KLF8: variants seen among roughly 807,000 people sequenced by gnomAD.
The protein encoded by KLF8 is KLF transcription factor 8, also known as Krueppel-like factor 8.
A neutral mutation model predicts 18.2 loss-of-function variants in KLF8; 10 were observed. The ratio of observed to expected loss-of-function variants is 0.55; its 90% CI spans 0.34 to 0.93. The LOEUF is 0.93. Ranked by LOEUF, KLF8 falls within the 40% of genes least tolerant of loss-of-function variation. The pLI is 0.02. For synonymous variants in KLF8, 109 were observed against 97.3 expected, an observed-to-expected ratio of 1.12 and a Z score of -0.71; for missense variants, 264 against 277.9, an observed-to-expected ratio of 0.95 and a Z score of 0.36.
At chrX:55,974,882 C>T in the KLF8 span, among the ~76,000 whole-genome samples, 1 of 112,198 alleles carries the variant, frequency 8.9e-6, no homozygotes, top group African/African-American at 3.2e-5. Context: ...AATCCATGAA[C>T]ATAGAATATC....
chrX:56,100,838 AT>A, the KLF8 span, among the ~76,000 whole-genome samples: 1 of 112,374 alleles, frequency 8.9e-6, no homozygotes, highest in African/African-American at 3.2e-5. Flanking sequence ...AAGTACTTTC[AT>A]TTTTTAAGCA....
chrX:55,953,797 C>A, the KLF8 span, among the ~76,000 whole-genome samples: 18 of 110,420 alleles, frequency 1.6e-4, no homozygotes, highest in Non-Finnish European at 3.2e-4. Flanking sequence ...TTACTTCATA[C>A]CATACATATA....
At chrX:55,974,537 C>T in the KLF8 span, among the ~76,000 whole-genome samples, 1 of 111,788 alleles carries the variant, frequency 8.9e-6, no homozygotes, top group Non-Finnish European at 1.9e-5. Context: ...AGATTGAATA[C>T]ACTGTGTTTG....
chrX:55,922,418 G>T, the KLF8 span, among the ~76,000 whole-genome samples: 1 of 112,368 alleles, frequency 8.9e-6, no homozygotes, highest in Admixed American at 9.4e-5. Context: ...CAATGAAAAT[G>T]CATGGATACA....
the KLF8 span, among the ~76,000 whole-genome samples, chrX:56,013,924 C>T: frequency 5.8e-4 from 65 of 111,559 alleles, no homozygotes; most frequent in Non-Finnish European, 9.6e-4. Flanking sequence ...GAAGAACTGG[C>T]TAGCCATATG....
the KLF8 span, among the ~76,000 whole-genome samples, chrX:56,180,382 T>G: frequency 9.0e-6 from 1 of 111,361 alleles, no homozygotes; most frequent in African/African-American, 3.3e-5. Context: ...TTCTTAGCAG[T>G]GTATCAATTT....
At chrX:56,043,130 G>T in the KLF8 span, among the ~76,000 whole-genome samples, 1 of 111,220 alleles carries the variant, frequency 9.0e-6, no homozygotes, top group Non-Finnish European at 1.9e-5. Flanking sequence ...TTTTAAGAAT[G>T]TTGAATATTG....
chrX:56,133,056 A>T, the KLF8 span, among the ~76,000 whole-genome samples: 2 of 111,721 alleles, frequency 1.8e-5, no homozygotes, highest in Non-Finnish European at 3.8e-5. Flanking sequence ...CCAGGACCAG[A>T]TGGATTCACA....
chrX:56,005,311 A>T, the KLF8 span, among the ~76,000 whole-genome samples: 1 of 111,446 alleles, frequency 9.0e-6, no homozygotes. Flanking sequence ...CTTTGTCGGG[A>T]TGGTGGCAGT....
chrX:56,092,482 A>T, the KLF8 span, among the ~76,000 whole-genome samples: 2 of 111,284 alleles, frequency 1.8e-5, no homozygotes, highest in Non-Finnish European at 3.8e-5. Flanking sequence ...GAGAGATAAG[A>T]GTCTAGTTTC....
the KLF8 span, among the ~76,000 whole-genome samples, chrX:56,085,734 C>A: frequency 1.8e-5 from 2 of 112,149 alleles, no homozygotes; most frequent in Non-Finnish European, 3.8e-5. Flanking sequence ...CAATATTTTT[C>A]AGATTAGTTG....
At chrX:56,157,326 T>C in the KLF8 span, among the ~76,000 whole-genome samples, 1 of 109,803 alleles carries the variant, frequency 9.1e-6, no homozygotes, top group African/African-American at 3.3e-5. Flanking sequence ...ATGGCACATG[T>C]ATACATATGT....
At chrX:56,100,336 G>T in the KLF8 span, among the ~76,000 whole-genome samples, 2 of 111,736 alleles carry the variant, frequency 1.8e-5, no homozygotes, top group African/African-American at 6.5e-5. Context: ...CATTGACTGT[G>T]CACCTGGTCA....
the KLF8 span, among the ~76,000 whole-genome samples, chrX:56,185,343 G>A: frequency 1.8e-5 from 2 of 111,879 alleles, no homozygotes; most frequent in South Asian, 3.7e-4. Flanking sequence ...AAAAAGAAAT[G>A]TGCAAAGCCT....
the KLF8 span, among the ~76,000 whole-genome samples, chrX:56,095,531 A>T: frequency 8.9e-6 from 1 of 112,444 alleles, no homozygotes; most frequent in African/African-American, 3.2e-5. Context: ...TACAGAATGG[A>T]AAATATATTT....
At chrX:56,190,049 A>T in the KLF8 span, among the ~76,000 whole-genome samples, 1,898 of 110,664 alleles carry the variant, frequency 0.017, 50 homozygotes, top group African/African-American at 0.06. Context: ...ATAAAAAAAT[A>T]AAAAATCTGG....
chrX:56,158,179 T>C, the KLF8 span, among the ~76,000 whole-genome samples: 1 of 111,930 alleles, frequency 8.9e-6, no homozygotes, highest in Non-Finnish European at 1.9e-5. Flanking sequence ...TTCTCAGGTT[T>C]GTCAAAGATC....
intron 1 of KLF8, among the ~76,000 whole-genome samples, chrX:56,244,277 A>G: frequency 9.0e-6 from 1 of 111,702 alleles, no homozygotes. Context: ...TGGCACAATC[A>G]TAGCTCACTG....
At chrX:56,021,961 C>CAA in the KLF8 span, among the ~76,000 whole-genome samples, 1,120 of 76,921 alleles carry the variant, frequency 0.015, 9 homozygotes, top group African/African-American at 0.048. Context: ...GAGAATAGAG[C>CAA]AAAAAAAAAA....
Sources: gnomAD v4.1 joint callset for allele counts (sites outside exome capture counted in the v4.1 genomes callset) on GRCh38, gnomAD v4.1.1 for gene constraint, MANE v1.5 for transcripts, NCBI Gene and HGNC (gene_info 2026-07-23, HGNC 2026-07-21) for gene names.